Variants in PCM1 observed in about 807,000 individuals in gnomAD.
The protein encoded by PCM1 is pericentriolar material 1, also known as pericentriolar material 1 protein.
In PCM1, 157 loss-of-function variants were observed where a neutral mutation model predicts 241.9. The ratio of observed to expected loss-of-function variants is 0.65; its 90% CI spans 0.57 to 0.74. The LOEUF is 0.74. Ranked by LOEUF, PCM1 falls within the 30% of genes least tolerant of loss-of-function variation. PCM1 has a pLI of 0.00. For missense variants in PCM1, 3,478 were observed against 2,360.1 expected (o/e 1.47, Z -9.81); for synonymous variants, 1,085 against 784.9 (o/e 1.38, Z -6.39).
chr8:17,931,369 A>G (rs928986604), intron 2 of PCM1, among the ~76,000 whole-genome samples: 3 of 151,838 alleles, frequency 2.0e-5, no homozygotes, highest in African/African-American at 4.8e-5. Context: ...GCACACTGCA[A>G]CCTCTGCCTC....
intron 6 of PCM1, 107 bp downstream of exon 6, chr8:17,939,968 A>T (rs1586028846): frequency 3.3e-6 from 4 of 1,211,024 alleles, no homozygotes; most frequent in Non-Finnish European, 4.7e-6. Flanking sequence ...ATTTTCAAAA[A>T]ATCATGCCAT....
At position 17,969,760 on chromosome 8, in the gene PCM1, A is replaced by C; in HGVS notation, c.3584+12A>C. On this transcript the variant is annotated intron_variant, in intron 22 of 38. Coordinates refer to ENST00000325083, the MANE Select transcript of PCM1 (RefSeq NM_006197.4). ...GCAGAGAAACCAAGGTACTGATTGT[A>C]AACAGTCTTTTATTGCTTAAACATT... is the stretch of plus-strand genomic sequence containing the variant. 6.3e-7 allele frequency: 1 copy of C among 1,583,960 alleles called. No homozygotes were observed. Among genetic ancestry groups the C allele is most frequent in the East Asian group, 2.2e-5 (1 of 44,652 alleles).
intron 13 of PCM1, 64 bp from the exon 14 acceptor site, chr8:17,959,950 A>G (rs1563935847): frequency 4.8e-6 from 7 of 1,458,078 alleles, no homozygotes; most frequent in Admixed American, 2.2e-5. Flanking sequence ...GGTATTTACT[A>G]AGGTATGAAT....
intron 15 of PCM1, among the ~76,000 whole-genome samples, chr8:17,961,353 C>T: frequency 7.6e-6 from 1 of 131,142 alleles, no homozygotes; most frequent in East Asian, 2.6e-4. Context: ...CTCTGTGGCC[C>T]AGGTGGGAGT....
intron 2 of PCM1, among the ~76,000 whole-genome samples, chr8:17,930,766 G>A (rs1178334979): frequency 6.6e-6 from 1 of 151,970 alleles, no homozygotes; most frequent in Non-Finnish European, 1.5e-5. Context: ...TGTAGTCCCA[G>A]CTATTGGGGA....
rs1180282227 is a variant in PCM1 at position 17,989,905 on chromosome 8, A to G, written c.4457A>G (p.Glu1486Gly). 1.9e-5 allele frequency: 29 copies of G among 1,547,006 alleles called. No homozygotes were observed. Among genetic ancestry groups the G allele is most frequent in the Non-Finnish European group, 2.5e-5 (29 of 1,143,908 alleles). The change falls in exon 27 of 39, where the codon GAG becomes GGG. Residue 1486 changes from glutamate (E) to glycine (G), a missense_variant. Transcript: ENST00000325083. Reference sequence around the variant, plus strand: ...GAAAGAGAAACCCATAAAATAAGTGAGCAAAATGATGCTGATAATGCTAGT... The same window carrying G: ...GAAAGAGAAACCCATAAAATAAGTGGGCAAAATGATGCTGATAATGCTAGT... ...NFERETHKIS[E>G]QNDADNASVL... is the part of the protein sequence containing the mutation.
chr8:17,938,645 CAAT>C (rs1363467180), intron 4 of PCM1, 92 bp from the exon 5 acceptor site: 51 of 819,748 alleles, frequency 6.2e-5, no homozygotes, highest in Non-Finnish European at 1.2e-5. Flanking sequence ...CCTTCTGAAT[CAAT>C]ATCTGATGGC....
Position 17,967,060 on chromosome 8 carries a change from G to A in PCM1, c.3302G>A (p.Ser1101Asn). ...EKPGGKERGSSASHPPSPSLF... is the reference protein window; with the variant it reads ...EKPGGKERGSNASHPPSPSLF... ...CCTGGAGGCAAGGAAAGAGGCAGTA[G>A]TGCATCGCACCCTCCTTCTCCCAGT... The change falls in exon 21 of 39, where the codon AGT becomes AAT. Residue 1101 changes from serine to asparagine, a missense_variant. Coordinates refer to ENST00000325083, the MANE Select transcript of PCM1 (RefSeq NM_006197.4). 1 of 1,609,804 alleles carries A rather than the reference G, an allele frequency of 6.2e-7. No homozygotes were observed. The highest frequency in any genetic ancestry group is 1.3e-5 in the African/African-American group (1 of 75,016).
chr8:18,011,335 TGAA>T lies in PCM1; in HGVS notation c.5323_5325del (p.Glu1775del). 1.2e-6 allele frequency: 2 copies of T among 1,602,354 alleles called. No individual in the cohort carries two copies. Among genetic ancestry groups the T allele is most frequent in the Admixed American group, 1.7e-5 (1 of 57,744 alleles). Reference sequence around the variant, plus strand: ...CTGATATTTCTGATCAAGAGGAAGATGAAGAAAGTGAAGGATGTCCAGTGTCTA... The same window carrying T: ...CTGATATTTCTGATCAAGAGGAAGATGAAAGTGAAGGATGTCCAGTGTCTA... On this transcript the variant is annotated inframe_deletion, in exon 33 of 39. Transcript: ENST00000325083.
chr8:17,956,280 A>G (rs1257665254), intron 10 of PCM1, among the ~76,000 whole-genome samples: 5 of 152,176 alleles, frequency 3.3e-5, no homozygotes, highest in Admixed American at 3.3e-4. Context: ...CACACTTTTG[A>G]TACTTGAGAA....
intron 28 of PCM1, among the ~76,000 whole-genome samples, chr8:17,992,160 A>G (rs1370482388): frequency 6.6e-6 from 1 of 152,196 alleles, no homozygotes; most frequent in Non-Finnish European, 1.5e-5. Flanking sequence ...GGACATTTGG[A>G]CTGGTTCCAT....
rs546152879 is a variant in PCM1 at position 18,005,951 on chromosome 8, A to C, written c.4828-312A>C. 91 of 212,112 alleles carry C rather than the reference A, an allele frequency of 4.3e-4. 1 individual carries two copies. Among genetic ancestry groups the C allele is most frequent in the African/African-American group, 1.9e-3 (83 of 43,860 alleles). 13.1% of individuals were successfully genotyped at this position (212,112 alleles called of 1,614,324 possible). A position where few individuals can be genotyped will look rare whatever the true frequency, so the allele number is the denominator to read the frequency against. On this transcript the variant is annotated intron_variant, in intron 29 of 38. Coordinates refer to ENST00000325083, the MANE Select transcript of PCM1 (RefSeq NM_006197.4). ...AAAACAGAAAGATTGGCAAAATGGA[A>C]ACTAGCATGAATAGTTCTCCTTAAG...
chr8:17,951,696 C>T (rs1020539318), intron 8 of PCM1, among the ~76,000 whole-genome samples: 1 of 152,022 alleles, frequency 6.6e-6, no homozygotes. Flanking sequence ...AAAATAAAAA[C>T]ATGTAGAGAA....
chr8:17,942,319 T>C (rs1011572996), intron 6 of PCM1, among the ~76,000 whole-genome samples: 4 of 152,022 alleles, frequency 2.6e-5, no homozygotes, highest in African/African-American at 7.2e-5. Context: ...ATACAAAAAT[T>C]AGCTGGGCAC....
intron 3 of PCM1, among the ~76,000 whole-genome samples, chr8:17,936,094 C>T (rs1052078887): frequency 2.0e-5 from 3 of 152,162 alleles, no homozygotes; most frequent in African/African-American, 7.2e-5. Context: ...TCCTCTGGTC[C>T]ATGTGATATA....
At chr8:17,983,243 G>C (rs909432618) in intron 24 of PCM1, 1 of 1,321,754 alleles carries the variant, frequency 7.6e-7, no homozygotes, top group African/African-American at 1.5e-5. Context: ...CACATGCTAG[G>C]AGAATACTAC....
At chr8:17,975,941 C>T (rs1436372878) in intron 23 of PCM1, among the ~76,000 whole-genome samples, 2 of 152,116 alleles carry the variant, frequency 1.3e-5, no homozygotes, top group East Asian at 3.9e-4. Context: ...GTTATCAGAC[C>T]TATAATTTGT....
rs892483330 is a variant in PCM1, at chr8:17,931,297, T to C, written c.-22-4292T>C. 1.7e-4 allele frequency among the ~76,000 whole-genome samples: 25 copies of C among 145,796 alleles called. No individual in the cohort carries two copies. In the East Asian group the frequency reaches 4.9e-3, roughly 29 times the overall value. On this transcript the variant is annotated intron_variant, in intron 2 of 38. Coordinates refer to ENST00000325083, the MANE Select transcript of PCM1 (RefSeq NM_006197.4). ...AAACATTCTTTCTCCAGATATATTC[T>C]TTTTTTTTTTTGAGATGGAGTCTTG...
chr8:17,955,755 A>G (rs952801933), intron 10 of PCM1, 102 bp downstream of exon 10: 2 of 894,706 alleles, frequency 2.2e-6, no homozygotes, highest in Middle Eastern at 3.3e-4. Context: ...TTTATTTAAT[A>G]TTGTTGTAAA....
Sources: gnomAD v4.1 joint callset for allele counts (sites outside exome capture counted in the v4.1 genomes callset) on GRCh38, gnomAD v4.1.1 for gene constraint, MANE v1.5 for transcripts, NCBI Gene and HGNC (gene_info 2026-07-23, HGNC 2026-07-21) for gene names.